Variants in KCNJ6 observed in about 807,000 individuals in gnomAD.
KCNJ6 encodes the protein G protein-activated inward rectifier potassium channel 2.
Under a neutral mutation model 34.2 loss-of-function variants are expected in KCNJ6, and 9 were observed. The ratio of observed to expected loss-of-function variants is 0.26; its 90% CI spans 0.16 to 0.46. The LOEUF (loss-of-function observed/expected upper bound fraction) is 0.46. Among genes scored for constraint, KCNJ6 ranks in the 20% least tolerant of loss-of-function variants. KCNJ6 has a pLI of 1.00. For missense variants in KCNJ6, 236 were observed against 531.3 expected (o/e 0.44, Z 5.46); for synonymous variants, 196 against 207.1 (o/e 0.95, Z 0.46).
intron 2 of KCNJ6, among the ~76,000 whole-genome samples, chr21:37,835,350 C>A (rs2055446662): frequency 6.6e-6 from 1 of 152,086 alleles, no homozygotes; most frequent in African/African-American, 2.4e-5. Flanking sequence ...ACTGCCTGTT[C>A]AACTCTTGCA....
intron 3 of KCNJ6, among the ~76,000 whole-genome samples, chr21:37,667,670 C>T (rs1247528190): frequency 2.6e-5 from 4 of 151,424 alleles, no homozygotes; most frequent in Admixed American, 6.6e-5. Flanking sequence ...GTAGCAGGTC[C>T]GGGGTAGCGG....
At chr21:37,868,824 T>C (rs1181064393) in intron 1 of KCNJ6, among the ~76,000 whole-genome samples, 1 of 152,226 alleles carries the variant, frequency 6.6e-6, no homozygotes, top group African/African-American at 2.4e-5. Flanking sequence ...ACAGAGGCGC[T>C]GGCAATCATC....
intron 2 of KCNJ6, among the ~76,000 whole-genome samples, chr21:37,779,519 C>G (rs983647808): frequency 6.6e-6 from 1 of 152,132 alleles, no homozygotes; most frequent in African/African-American, 2.4e-5. Flanking sequence ...CATTGCACTT[C>G]TAGGAAGCAA....
chr21:37,747,494 G>T (rs905790395), intron 2 of KCNJ6, among the ~76,000 whole-genome samples: 1 of 152,238 alleles, frequency 6.6e-6, no homozygotes, highest in African/African-American at 2.4e-5. Context: ...CTGTGAATAT[G>T]TTCCACTATA....
At chr21:37,835,521 T>C (rs951679180) in intron 2 of KCNJ6, among the ~76,000 whole-genome samples, 1 of 152,182 alleles carries the variant, frequency 6.6e-6, no homozygotes, top group African/African-American at 2.4e-5. Context: ...AAAATTACCT[T>C]TGGAAATTTA....
At chr21:37,812,164 C>G (rs2055326138) in intron 2 of KCNJ6, among the ~76,000 whole-genome samples, 1 of 152,186 alleles carries the variant, frequency 6.6e-6, no homozygotes, top group Non-Finnish European at 1.5e-5. Context: ...TTATACCACA[C>G]TTTCTGAGGA....
chr21:37,625,509 T>A, intron 3 of KCNJ6, 25 bp from the exon 4 acceptor site: 1 of 1,569,370 alleles, frequency 6.4e-7, no homozygotes. Flanking sequence ...ATGGAGGCTT[T>A]AGCATATGTA....
At chr21:37,821,537 T>TC (rs2055373122) in intron 2 of KCNJ6, among the ~76,000 whole-genome samples, 1 of 152,210 alleles carries the variant, frequency 6.6e-6, no homozygotes, top group Non-Finnish European at 1.5e-5. Context: ...CCTGATGCTC[T>TC]CCTTTCCCCT....
chr21:37,655,221 GTGTGAGAGAGAGAGAGAGA>G (rs2054455945), intron 3 of KCNJ6, among the ~76,000 whole-genome samples: 2 of 18,880 alleles, frequency 1.1e-4, no homozygotes, highest in African/African-American at 1.6e-4. Context: ...GTGTGTGTGT[GTGTGAGAGAGAGAGAGAGA>G]GAGAGAGAGA....
intron 3 of KCNJ6, among the ~76,000 whole-genome samples, chr21:37,685,446 C>A (rs1256263378): frequency 6.8e-6 from 1 of 147,926 alleles, no homozygotes; most frequent in African/African-American, 2.5e-5. Flanking sequence ...CTTTGGGAGG[C>A]CAAGGCGGGC....
intron 1 of KCNJ6, among the ~76,000 whole-genome samples, chr21:37,895,776 A>C (rs912806063): frequency 3.3e-5 from 5 of 152,186 alleles, no homozygotes; most frequent in African/African-American, 1.2e-4. Flanking sequence ...CTGCCCTGAC[A>C]GTGGTGCCCC....
At chr21:37,844,967 C>T (rs533024718) in intron 1 of KCNJ6, among the ~76,000 whole-genome samples, 1 of 152,254 alleles carries the variant, frequency 6.6e-6, no homozygotes, top group East Asian at 1.9e-4. Flanking sequence ...GCCCTGACCA[C>T]TAAACCTCCC....
At position 37,616,995 on chromosome 21, in the gene KCNJ6, CTTTCTCTTTCT is replaced by C. The variant is rs2054270533; in HGVS notation, c.*8153_*8163del. 8.4e-6 allele frequency: 1 copy of C among 119,668 alleles called. No homozygotes were observed. The highest frequency in any genetic ancestry group is 3.0e-4 in the South Asian group (1 of 3,360). 7.4% of individuals were successfully genotyped at this position (119,668 alleles called of 1,614,324 possible). ...TGTGCGATTTCTTTTCTCTTTCTTTCTTTCTCTTTCTTTTCTCTTTCTTTCTTTCTTTCTTT... is the reference window on the plus strand; with the variant it reads ...TGTGCGATTTCTTTTCTCTTTCTTTCTTTCTCTTTCTTTCTTTCTTTCTTT... On this transcript the variant is annotated 3_prime_UTR_variant, in exon 4 of 4. Coordinates refer to ENST00000609713, the MANE Select transcript of KCNJ6 (RefSeq NM_002240.5).
chr21:37,846,334 G>C (rs1458021330), intron 1 of KCNJ6, among the ~76,000 whole-genome samples: 1 of 150,634 alleles, frequency 6.6e-6, no homozygotes, highest in Admixed American at 6.6e-5. Flanking sequence ...CTTTAGCTCA[G>C]AGCTAAGGCT....
At chr21:37,771,207 A>G (rs953024282) in intron 2 of KCNJ6, among the ~76,000 whole-genome samples, 3 of 152,148 alleles carry the variant, frequency 2.0e-5, no homozygotes, top group African/African-American at 7.2e-5. Context: ...ACTCACCCAA[A>G]TACAAATATA....
intron 3 of KCNJ6, among the ~76,000 whole-genome samples, chr21:37,690,834 C>CAGTG (rs917178745): frequency 1.4e-5 from 2 of 148,128 alleles, no homozygotes; most frequent in African/African-American, 5.0e-5. Flanking sequence ...GGCTGGAGTG[C>CAGTG]AGTGGCGTGA....
At chr21:37,719,588 T>A (rs1219131798) in intron 2 of KCNJ6, 2 of 152,260 alleles carry the variant, frequency 1.3e-5, no homozygotes, top group African/African-American at 4.8e-5. Flanking sequence ...TTTGATGATT[T>A]ACTTGACTTT....
chr21:37,774,329 C>T (rs2055131575), intron 2 of KCNJ6, among the ~76,000 whole-genome samples: 1 of 152,008 alleles, frequency 6.6e-6, no homozygotes, highest in African/African-American at 2.4e-5. Flanking sequence ...TGTCCCTATG[C>T]AGGGTTTACC....
At chr21:37,749,097 A>G (rs2054981904) in intron 2 of KCNJ6, among the ~76,000 whole-genome samples, 1 of 152,140 alleles carries the variant, frequency 6.6e-6, no homozygotes, top group Non-Finnish European at 1.5e-5. Context: ...TTTTGATGGG[A>G]GACACTAATT....
Sources: allele counts gnomAD v4.1 joint callset (sites outside exome capture counted in the v4.1 genomes callset), GRCh38; gene constraint gnomAD v4.1.1; transcripts MANE v1.5; gene names NCBI Gene and HGNC (gene_info 2026-07-23, HGNC 2026-07-21).